TTC23L: variants seen among roughly 807,000 people sequenced by gnomAD.
TTC23L encodes the protein tetratricopeptide repeat domain 23 like, also known as tetratricopeptide repeat protein 23-like.
TTC23L carries 42 observed loss-of-function variants against 48.1 expected under a neutral mutation model. The observed-to-expected ratio is 0.87, with a 90% CI of 0.68 to 1.13. TTC23L has a LOEUF of 1.13. TTC23L is among the 50% of genes most tolerant of loss of function. TTC23L has a pLI of 0.00. For synonymous variants in TTC23L, 159 were observed against 157.2 expected (o/e 1.01, Z -0.09); for missense variants, 391 against 421.0 (o/e 0.93, Z 0.62).
chr5:34,878,420 TA>T (rs949932392), intron 8 of TTC23L, among the ~76,000 whole-genome samples: 10 of 152,202 alleles, frequency 6.6e-5, no homozygotes, highest in South Asian at 2.1e-4. Context: ...GAAGACTCAA[TA>T]AAAAAATATA....
intron 9 of TTC23L, among the ~76,000 whole-genome samples, chr5:34,889,556 A>C (rs922577687): frequency 6.6e-6 from 1 of 152,106 alleles, no homozygotes; most frequent in Non-Finnish European, 1.5e-5. Flanking sequence ...TGGGCCCCAC[A>C]GGAGACTATC....
intron 3 of TTC23L, among the ~76,000 whole-genome samples, chr5:34,848,413 T>G (rs1447489527): frequency 6.6e-6 from 1 of 152,192 alleles, no homozygotes; most frequent in Non-Finnish European, 1.5e-5. Context: ...TACACCTGTG[T>G]GTACTGGGCA....
At chr5:34,911,636 C>A in the TTC23L span, 1 of 1,614,054 alleles carries the variant, frequency 6.2e-7, no homozygotes, top group Non-Finnish European at 8.5e-7. Context: ...TCACGGAGCC[C>A]CTCTGACTGC....
At chr5:34,885,912 G>C (rs2111734734) in intron 9 of TTC23L, among the ~76,000 whole-genome samples, 1 of 152,198 alleles carries the variant, frequency 6.6e-6, no homozygotes, top group Non-Finnish European at 1.5e-5. Context: ...AGCAATGTGT[G>C]AATCTAGGCG....
At chr5:34,862,748 T>A in intron 4 of TTC23L, 150 bp from the exon 5 acceptor site, 1 of 916,748 alleles carries the variant, frequency 1.1e-6, no homozygotes, top group Non-Finnish European at 1.6e-6. Context: ...GCATTTCCAA[T>A]AATTCTGATT....
At chr5:34,922,606 AT>A in the TTC23L span, 2 of 1,596,132 alleles carry the variant, frequency 1.3e-6, no homozygotes, top group Non-Finnish European at 1.7e-6. Flanking sequence ...GACTCAATAA[AT>A]TTTTTTAGAT....
At chr5:34,925,267 A>C in the TTC23L span, 2 of 1,611,890 alleles carry the variant, frequency 1.2e-6, no homozygotes, top group African/African-American at 2.7e-5. Context: ...CAAAATACAG[A>C]GAGAAACAGC....
At chr5:34,925,223 T>A in the TTC23L span, 35,074 of 1,512,126 alleles carry the variant, frequency 0.023, 75 homozygotes, top group South Asian at 0.047. Context: ...TTTTTTTTTT[T>A]AGCATCGGCG....
the TTC23L span, chr5:34,920,690 A>G: frequency 6.6e-6 from 1 of 152,212 alleles, no homozygotes; most frequent in Admixed American, 6.5e-5. Context: ...ATGGTGTTTA[A>G]TATTTGAGCA....
At chr5:34,869,107 T>C in intron 8 of TTC23L, 94 bp downstream of exon 8, 1 of 1,034,358 alleles carries the variant, frequency 9.7e-7, no homozygotes, top group Non-Finnish European at 1.5e-6. Flanking sequence ...TAGCTATTTA[T>C]TCCTGTAATG....
At chr5:34,893,143 T>C (rs969881710) in intron 9 of TTC23L, among the ~76,000 whole-genome samples, 1 of 152,094 alleles carries the variant, frequency 6.6e-6, no homozygotes, top group African/African-American at 2.4e-5. Flanking sequence ...CGAGAAGCTA[T>C]ATGGAGTCTG....
intron 9 of TTC23L, among the ~76,000 whole-genome samples, chr5:34,885,752 AAAAG>A (rs1762503917): frequency 6.6e-6 from 1 of 151,712 alleles, no homozygotes; most frequent in Non-Finnish European, 1.5e-5. Context: ...GTCTAAAAAA[AAAAG>A]AAAGAAACCA....
At chr5:34,860,253 C>A (rs1258458408) in intron 4 of TTC23L, among the ~76,000 whole-genome samples, 2 of 152,172 alleles carry the variant, frequency 1.3e-5, no homozygotes, top group East Asian at 3.9e-4. Flanking sequence ...CACATACATA[C>A]ACACACTTGC....
chr5:34,914,641 T>C, the TTC23L span: 2 of 1,567,894 alleles, frequency 1.3e-6, no homozygotes, highest in African/African-American at 1.4e-5. Flanking sequence ...CCGATTTCAT[T>C]AAATTACATT....
chr5:34,848,474 C>T (rs1286421845), intron 3 of TTC23L, among the ~76,000 whole-genome samples: 1 of 152,062 alleles, frequency 6.6e-6, no homozygotes, highest in East Asian at 1.9e-4. Flanking sequence ...GACTTATCTT[C>T]TATTTGGGGA....
At chr5:34,916,128 G>A in the TTC23L span, 1 of 431,620 alleles carries the variant, frequency 2.3e-6, no homozygotes, top group Admixed American at 4.1e-5. Flanking sequence ...CCGGCCCACG[G>A]GGAAGCGACT....
intron 4 of TTC23L, among the ~76,000 whole-genome samples, chr5:34,854,204 G>T (rs1390508244): frequency 1.3e-5 from 2 of 152,182 alleles, no homozygotes; most frequent in Non-Finnish European, 2.9e-5. Context: ...GCAATAAGTT[G>T]GAGGAGACAC....
At chr5:34,890,009 T>C (rs190781584) in intron 9 of TTC23L, among the ~76,000 whole-genome samples, 1 of 152,062 alleles carries the variant, frequency 6.6e-6, no homozygotes, top group African/African-American at 2.4e-5. Context: ...CAGCTAATTT[T>C]TGTATTTTTA....
chr5:34,924,788 G>A, the TTC23L span: 4 of 1,193,422 alleles, frequency 3.4e-6, no homozygotes, highest in East Asian at 4.7e-5. Context: ...GTTATAGCCA[G>A]TATACCTTTT....
Sources: allele counts gnomAD v4.1 joint callset (sites outside exome capture counted in the v4.1 genomes callset), GRCh38; gene constraint gnomAD v4.1.1; transcripts MANE v1.5; gene names NCBI Gene and HGNC (gene_info 2026-07-23, HGNC 2026-07-21).